The following FBXO31 variants were observed in gnomAD, a reference collection of about 807,000 sequenced individuals.
The protein encoded by FBXO31 is F-box protein 31, also known as F-box only protein 31.
In FBXO31, 24 loss-of-function variants were observed where a neutral mutation model predicts 54.4. The ratio of observed to expected loss-of-function variants is 0.44; its 90% CI spans 0.32 to 0.62. FBXO31 has a LOEUF of 0.62. Among genes scored for constraint, FBXO31 ranks in the 20% least tolerant of loss-of-function variants. FBXO31 has a pLI of 0.05. For missense variants in FBXO31, 665 were observed against 787.1 expected, an observed-to-expected ratio of 0.84 and a Z score of 1.86; for synonymous variants, 388 against 335.6, an observed-to-expected ratio of 1.16 and a Z score of -1.71.
intron 5 of FBXO31, among the ~76,000 whole-genome samples, chr16:87,339,874 G>A (rs921027090): frequency 6.6e-6 from 1 of 152,244 alleles, no homozygotes; most frequent in Non-Finnish European, 1.5e-5. Flanking sequence ...ATGGCTCACA[G>A]CTATAATCCC....
intron 1 of FBXO31, among the ~76,000 whole-genome samples, chr16:87,375,828 C>T (rs1597378497): frequency 1.3e-5 from 2 of 152,254 alleles, no homozygotes; most frequent in East Asian, 1.9e-4. Flanking sequence ...ACAGACATGG[C>T]TTTCAGTGGG....
Position 87,383,718 on chromosome 16 carries a change from G to A in FBXO31, c.27C>T (p.Gly9=), listed in dbSNP as rs1907194985. Residue 9 remains glycine (G), a synonymous_variant, in exon 1 of 9, where the codon GGC becomes GGT. Transcript: ENST00000311635. The surrounding 1 kb of genome is among the most constrained non-coding windows in gnomAD (Gnocchi z 4.9). The stretch of plus-strand genomic sequence containing the variant: ...GCCGACATCCGCGCGACGGGCCCAC[G>A]CCGCAAAGGCGAGCACACACCGCCA... MAVCARLC[G]VGPSRGCRRR... The A allele has an allele frequency of 1.6e-6, 2 of 1,250,900 alleles. No homozygotes were observed. The highest frequency in any genetic ancestry group is 3.0e-5 in the South Asian group (1 of 33,594). The allele number at this position is 1,250,900 out of a possible 1,614,324, so 77.5% of individuals were successfully genotyped here.
chr16:87,336,282 G>A lies in FBXO31; in HGVS notation c.733-18C>T, dbSNP rs1905044193. ...CGAAACTCCTTCCAAAAGAACACAGGTCATGAATATCCATATGACAGGAGG... is the reference window on the plus strand; with the variant it reads ...CGAAACTCCTTCCAAAAGAACACAGATCATGAATATCCATATGACAGGAGG... On this transcript the variant is annotated intron_variant, in intron 5 of 8. Transcript: ENST00000311635. This position sits in a 1 kb window ranked among gnomAD's most constrained non-coding sequence, Gnocchi z 6.5. 6.2e-7 allele frequency: 1 copy of A among 1,609,030 alleles called. No individual in the cohort carries two copies. The highest frequency in any genetic ancestry group is 8.5e-7 in the Non-Finnish European group (1 of 1,175,878).
intron 1 of FBXO31, among the ~76,000 whole-genome samples, chr16:87,373,707 TA>T (rs762209552): frequency 6.6e-5 from 10 of 152,110 alleles, no homozygotes; most frequent in South Asian, 2.1e-4. Flanking sequence ...AGCCAAGTTT[TA>T]AACCACTAAC....
intron 2 of FBXO31, among the ~76,000 whole-genome samples, chr16:87,354,619 T>C (rs992621656): frequency 1.3e-5 from 2 of 152,024 alleles, no homozygotes; most frequent in African/African-American, 2.4e-5. Flanking sequence ...GGCAACCTCA[T>C]GCACCCAAGG....
At chr16:87,360,226 G>T (rs1906073116) in intron 2 of FBXO31, 69 bp downstream of exon 2, 3 of 1,391,750 alleles carry the variant, frequency 2.2e-6, no homozygotes, top group African/African-American at 2.8e-5. Context: ...TTGATTATTT[G>T]TCATTGATGT....
intron 3 of FBXO31, among the ~76,000 whole-genome samples, chr16:87,344,143 G>A (rs371388453): frequency 6.6e-6 from 1 of 152,260 alleles, no homozygotes; most frequent in South Asian, 2.1e-4. Flanking sequence ...CCCATGGCCT[G>A]GGCAACAGGC....
At chr16:87,363,774 G>A (rs1906238678) in intron 1 of FBXO31, among the ~76,000 whole-genome samples, 1 of 152,210 alleles carries the variant, frequency 6.6e-6, no homozygotes, top group African/African-American at 2.4e-5. Flanking sequence ...GTCTTGAGCT[G>A]TGGAGGAAAA....
intron 2 of FBXO31, among the ~76,000 whole-genome samples, chr16:87,354,026 C>A (rs1002629655): frequency 6.6e-6 from 1 of 152,262 alleles, no homozygotes; most frequent in Non-Finnish European, 1.5e-5. Context: ...CTCATGTGCG[C>A]CTGCTCCGCG....
In FBXO31 at chr16:87,365,982, T is replaced by C. The variant is rs146740035; in HGVS notation, c.341-5616A>G. 1.4e-4 allele frequency among the ~76,000 whole-genome samples: 22 copies of C among 152,178 alleles called. No homozygotes were observed. In the East Asian group the frequency reaches 4.3e-3, roughly 29 times the overall value. On this transcript the variant is annotated intron_variant, in intron 1 of 8. Transcript: ENST00000311635. The stretch of plus-strand genomic sequence containing the variant: ...AGGCGGAGGTTGCCGTGAGCCAAGA[T>C]TGCGCCACTGCACTCCAGCCTGGGC...
intron 1 of FBXO31, among the ~76,000 whole-genome samples, chr16:87,370,475 T>C (rs532925932): frequency 1.3e-5 from 2 of 152,318 alleles, no homozygotes; most frequent in South Asian, 4.1e-4. Context: ...TGCCCAGCCC[T>C]GGGGCACTCG....
At chr16:87,375,313 C>CAA (rs751283972) in intron 1 of FBXO31, among the ~76,000 whole-genome samples, 6 of 151,082 alleles carry the variant, frequency 4.0e-5, no homozygotes, top group Non-Finnish European at 8.9e-5. Flanking sequence ...TCTCAAAAAA[C>CAA]AAAAACAAAA....
intron 1 of FBXO31, among the ~76,000 whole-genome samples, chr16:87,372,399 G>C (rs1171895964): frequency 6.6e-6 from 1 of 152,128 alleles, no homozygotes; most frequent in Admixed American, 6.5e-5. Context: ...ACAGTGCTGA[G>C]ACCCCACTGT....
intron 1 of FBXO31, among the ~76,000 whole-genome samples, chr16:87,372,558 GC>G (rs1967876342): frequency 6.6e-6 from 1 of 151,962 alleles, no homozygotes; most frequent in Non-Finnish European, 1.5e-5. Context: ...GAATCATGAA[GC>G]ATTTCTTTTT....
intron 2 of FBXO31, among the ~76,000 whole-genome samples, chr16:87,357,870 T>G (rs1905964438): frequency 6.6e-6 from 1 of 151,018 alleles, no homozygotes; most frequent in African/African-American, 2.5e-5. Context: ...GAGGCAGAGG[T>G]TGTGACACTG....
chr16:87,376,005 C>A (rs1352638204), intron 1 of FBXO31, among the ~76,000 whole-genome samples: 2 of 152,212 alleles, frequency 1.3e-5, no homozygotes, highest in African/African-American at 4.8e-5. Context: ...GCCAACAGGA[C>A]AATGGAAATC....
intron 1 of FBXO31, among the ~76,000 whole-genome samples, chr16:87,370,904 G>A (rs116205004): frequency 9.1e-4 from 139 of 152,312 alleles, no homozygotes; most frequent in African/African-American, 3.3e-3. Flanking sequence ...TTCTGCTTCT[G>A]AGGCTAAAAA....
chr16:87,353,696 CCG>C, intron 2 of FBXO31, among the ~76,000 whole-genome samples: 3 of 151,352 alleles, frequency 2.0e-5, no homozygotes, highest in Non-Finnish European at 4.4e-5. Flanking sequence ...GAAGGAGGCT[CCG>C]CAAGACCCTT....
At chr16:87,376,755 G>A (rs1211387818) in intron 1 of FBXO31, among the ~76,000 whole-genome samples, 1 of 152,186 alleles carries the variant, frequency 6.6e-6, no homozygotes, top group Non-Finnish European at 1.5e-5. Context: ...CAAGGACCAT[G>A]CACCTCCCAG....
Sources: allele counts gnomAD v4.1 joint callset (sites outside exome capture counted in the v4.1 genomes callset), GRCh38; gene constraint gnomAD v4.1.1; non-coding constraint Gnocchi (gnomAD v3.1); transcripts MANE v1.5; gene names NCBI Gene and HGNC (gene_info 2026-07-23, HGNC 2026-07-21).